The following RAB3C variants were observed in gnomAD, a reference collection of about 807,000 sequenced individuals.
RAB3C encodes the protein ras-related protein Rab-3C.
Under a neutral mutation model 26.4 loss-of-function variants are expected in RAB3C, and 17 were observed. That is an observed-to-expected ratio of 0.64 (90% CI 0.44 to 0.97). RAB3C has a LOEUF of 0.97. RAB3C is among the 50% of genes least tolerant of loss of function. The pLI is 0.00. For synonymous variants in RAB3C, 91 were observed against 95.9 expected (o/e 0.95, Z 0.30); for missense variants, 242 against 281.9 (o/e 0.86, Z 1.01).
chr5:58,748,030 A>C (rs1358242376), intron 3 of RAB3C, among the ~76,000 whole-genome samples: 1 of 152,150 alleles, frequency 6.6e-6, no homozygotes, highest in African/African-American at 2.4e-5. Context: ...GAATGGCAGA[A>C]TGTAATAATA....
intron 2 of RAB3C, among the ~76,000 whole-genome samples, chr5:58,620,650 G>C (rs1285534154): frequency 6.6e-6 from 1 of 152,132 alleles, no homozygotes; most frequent in Admixed American, 6.5e-5. Flanking sequence ...TGAGAAATCT[G>C]CATGTAGGAC....
At chr5:58,761,284 CCT>C (rs1273181333) in intron 3 of RAB3C, among the ~76,000 whole-genome samples, 1 of 151,754 alleles carries the variant, frequency 6.6e-6, no homozygotes, top group Non-Finnish European at 1.5e-5. Context: ...AAGATAATTC[CCT>C]GAGAAAGCTA....
intron 2 of RAB3C, among the ~76,000 whole-genome samples, chr5:58,707,336 A>C (rs990067175): frequency 1.3e-5 from 2 of 152,226 alleles, no homozygotes; most frequent in African/African-American, 4.8e-5. Context: ...GTTGATGTAT[A>C]AAACATTGCA....
intron 3 of RAB3C, among the ~76,000 whole-genome samples, chr5:58,737,062 T>C (rs138327905): frequency 1.1e-3 from 175 of 152,232 alleles, no homozygotes; most frequent in African/African-American, 3.9e-3. Context: ...CCGTACAATT[T>C]GCCCACTGCT....
intron 2 of RAB3C, among the ~76,000 whole-genome samples, chr5:58,719,600 C>T (rs1200804450): frequency 1.3e-5 from 2 of 151,900 alleles, no homozygotes; most frequent in Non-Finnish European, 2.9e-5. Context: ...TCTCACAGTT[C>T]CAGAGGCTGG....
At chr5:58,761,059 T>TCACACACACACACA (rs777146349) in intron 3 of RAB3C, among the ~76,000 whole-genome samples, 6 of 68,658 alleles carry the variant, frequency 8.7e-5, no homozygotes, top group African/African-American at 2.9e-4. Context: ...CCTCTCTCTC[T>TCACACACACACACA]CTCTCACACA....
intron 1 of RAB3C, among the ~76,000 whole-genome samples, chr5:58,612,552 A>ATATATATATATATG (rs1746737837): frequency 9.5e-6 from 1 of 105,204 alleles, no homozygotes; most frequent in Non-Finnish European, 2.3e-5. Flanking sequence ...ATATATGTAT[A>ATATATATATATATG]TATATATATA....
intron 1 of RAB3C, among the ~76,000 whole-genome samples, chr5:58,616,552 A>G (rs1053630399): frequency 2.0e-5 from 3 of 152,218 alleles, no homozygotes; most frequent in Non-Finnish European, 4.4e-5. Flanking sequence ...AAGATGAATA[A>G]AAGCCAATAT....
rs542005959 is a variant in RAB3C at position 58,626,334 on chromosome 5, T to C, written c.252+8464T>C. 1.4e-4 allele frequency among the ~76,000 whole-genome samples: 21 copies of C among 152,314 alleles called. No individual in the cohort carries two copies. In the South Asian group the frequency reaches 4.3e-3, roughly 32 times the overall value. ...CTTTGTAGTAGGGGCACTGGGGAGA[T>C]CTAATTTAGTCTCACAGAAGCCTCC... On this transcript the variant is annotated intron_variant, in intron 2 of 4. Transcript: ENST00000282878.
rs34850062 is a variant in RAB3C at position 58,634,140 on chromosome 5, C to CA, written c.252+16285dup. 4.0e-3 allele frequency among the ~76,000 whole-genome samples: 545 copies of CA among 136,046 alleles called. 1 individual carries two copies. Among genetic ancestry groups the CA allele is most frequent in the East Asian group, 9.0e-3 (41 of 4,536 alleles). 89.3% of individuals were successfully genotyped at this position (136,046 alleles called of 152,430 possible). ...TGGGCAACAGAGCAAGACTCCATCT[C>CA]AAAAAAAAAAAAAAATTGTTTGTTT... On this transcript the variant is annotated intron_variant, in intron 2 of 4. Coordinates refer to ENST00000282878, the MANE Select transcript of RAB3C (RefSeq NM_138453.4).
chr5:58,803,132 C>A (rs536240289), intron 3 of RAB3C, among the ~76,000 whole-genome samples: 1 of 152,116 alleles, frequency 6.6e-6, no homozygotes, highest in Non-Finnish European at 1.5e-5. Flanking sequence ...GGTGACCATG[C>A]CCCTAAGAAG....
At chr5:58,764,877 C>A (rs1741866690) in intron 3 of RAB3C, among the ~76,000 whole-genome samples, 1 of 152,164 alleles carries the variant, frequency 6.6e-6, no homozygotes, top group South Asian at 2.1e-4. Flanking sequence ...CATAATACCA[C>A]CTCCTGTTAT....
At chr5:58,589,412 C>T (rs1465082857) in intron 1 of RAB3C, among the ~76,000 whole-genome samples, 1 of 152,128 alleles carries the variant, frequency 6.6e-6, no homozygotes, top group African/African-American at 2.4e-5. Flanking sequence ...TGGAATTATG[C>T]TTATAAAACA....
intron 2 of RAB3C, among the ~76,000 whole-genome samples, chr5:58,674,359 G>GT (rs1243819368): frequency 6.6e-6 from 1 of 152,168 alleles, no homozygotes; most frequent in African/African-American, 2.4e-5. Flanking sequence ...ATATTAATAT[G>GT]TTTTTTAGTA....
At chr5:58,782,127 G>T (rs1018276141) in intron 3 of RAB3C, among the ~76,000 whole-genome samples, 2 of 152,046 alleles carry the variant, frequency 1.3e-5, no homozygotes, top group Admixed American at 1.3e-4. Flanking sequence ...AAAGATGTAA[G>T]GTCAATAAAG....
At position 58,857,686 on chromosome 5, in the gene RAB3C, A is replaced by G. The variant is rs1470072796; in HGVS notation, c.*6335A>G. 6.6e-6 allele frequency: 1 copy of G among 152,178 alleles called. No homozygotes were observed. Among genetic ancestry groups the G allele is most frequent in the Admixed American group, 6.5e-5 (1 of 15,272 alleles). The allele number at this position is 152,178 out of a possible 1,614,324, so 9.4% of individuals were successfully genotyped here. A position where few individuals can be genotyped will look rare whatever the true frequency, so the allele number is the denominator to read the frequency against. Reference sequence around the variant, plus strand: ...ACCAATGTATTTTTAGGTTGTAGCTAATGTTGTATTCACTTTCAATTCTCA... The same window carrying G: ...ACCAATGTATTTTTAGGTTGTAGCTGATGTTGTATTCACTTTCAATTCTCA... On this transcript the variant is annotated 3_prime_UTR_variant, in exon 5 of 5. Coordinates refer to ENST00000282878, the MANE Select transcript of RAB3C (RefSeq NM_138453.4).
In RAB3C at chr5:58,856,389, T is replaced by C. The variant is rs1046180781; in HGVS notation, c.*5038T>C. On this transcript the variant is annotated 3_prime_UTR_variant, in exon 5 of 5. Transcript: ENST00000282878. ...TAGCTAGTGGACAAATTGAACTTTC[T>C]ATTTGCAGTTCTCTTTTACTTTCTG... is the stretch of plus-strand genomic sequence containing the variant. The C allele has an allele frequency of 2.0e-5, 3 of 152,084 alleles. No homozygotes were observed. The highest frequency in any genetic ancestry group is 7.2e-5 in the African/African-American group (3 of 41,402). The allele number at this position is 152,084 out of a possible 1,614,324, so 9.4% of individuals were successfully genotyped here. A position where few individuals can be genotyped will look rare whatever the true frequency, so the allele number is the denominator to read the frequency against.
intron 2 of RAB3C, among the ~76,000 whole-genome samples, chr5:58,676,908 C>T (rs7714502): frequency 5.1e-4 from 78 of 152,220 alleles, no homozygotes; most frequent in African/African-American, 1.9e-3. Flanking sequence ...CTTTCCCACT[C>T]TATTTTAGTT....
intron 3 of RAB3C, among the ~76,000 whole-genome samples, chr5:58,785,529 G>A (rs76099663): frequency 6.6e-6 from 1 of 152,190 alleles, no homozygotes; most frequent in Non-Finnish European, 1.5e-5. Flanking sequence ...TAAGGATCTT[G>A]TTCAGTGAAG....
Sources: gnomAD v4.1 joint callset for allele counts (sites outside exome capture counted in the v4.1 genomes callset) on GRCh38, gnomAD v4.1.1 for gene constraint, MANE v1.5 for transcripts, NCBI Gene and HGNC (gene_info 2026-07-23, HGNC 2026-07-21) for gene names.